APPL1: variants seen among roughly 807,000 people sequenced by gnomAD.
APPL1 encodes adaptor protein, phosphotyrosine interacting with PH domain and leucine zipper 1.
In APPL1, 42 loss-of-function variants were observed where a neutral mutation model predicts 106.8. The observed-to-expected ratio is 0.39, with a 90% CI of 0.31 to 0.51. APPL1 has a LOEUF of 0.51. Among genes scored for constraint, APPL1 ranks in the 20% least tolerant of loss-of-function variants. The probability of loss-of-function intolerance (pLI) is 0.75; values close to 1 mark genes in which losing one functional copy is unlikely to be tolerated. For missense variants in APPL1, 769 were observed against 858.2 expected (o/e 0.90, Z 1.30); for synonymous variants, 263 against 281.8 (o/e 0.93, Z 0.67).
chr3:57,258,744 T>G, intron 15 of APPL1: 1 of 280,484 alleles, frequency 3.6e-6, no homozygotes, highest in Non-Finnish European at 6.6e-6. Context: ...CTTATTTAAA[T>G]TCAAGAACTT....
chr3:57,237,022 C>G (rs1414639448), intron 2 of APPL1, among the ~76,000 whole-genome samples: 2 of 152,054 alleles, frequency 1.3e-5, no homozygotes, highest in Non-Finnish European at 1.5e-5. Flanking sequence ...AAGAAATGTT[C>G]TCTTTGTTAT....
In APPL1 at chr3:57,269,712, C is replaced by A. The variant is rs748372796; in HGVS notation, c.*25C>A. On this transcript the variant is annotated 3_prime_UTR_variant, in exon 22 of 22. Transcript: ENST00000288266. Reference sequence around the variant, plus strand: ...AGCTTATACTTTTGGTAGATATTCCCCCTTGGAATTTGACAGTTTCTATGG... The same window carrying A: ...AGCTTATACTTTTGGTAGATATTCCACCTTGGAATTTGACAGTTTCTATGG... 2.7e-5 allele frequency: 43 copies of A among 1,610,094 alleles called. No homozygotes were observed. Among genetic ancestry groups the A allele is most frequent in the Non-Finnish European group, 3.7e-5 (43 of 1,177,528 alleles).
At chr3:57,267,884 G>C (rs746949064) in intron 20 of APPL1, 92 bp downstream of exon 20, 1 of 1,337,748 alleles carries the variant, frequency 7.5e-7, no homozygotes, top group Admixed American at 1.7e-5. Context: ...TTGAGGTCAG[G>C]AGTTCGAGAC....
chr3:57,272,631 G>C lies in APPL1; in HGVS notation c.*2944G>C, dbSNP rs1306616531. The C allele has an allele frequency of 6.6e-6, 1 of 152,164 alleles. No homozygotes were observed. Among genetic ancestry groups the C allele is most frequent in the Non-Finnish European group, 1.5e-5 (1 of 68,086 alleles). The allele number at this position is 152,164 out of a possible 1,614,324, so 9.4% of individuals were successfully genotyped here. On this transcript the variant is annotated 3_prime_UTR_variant, in exon 22 of 22. Transcript: ENST00000288266. ...AAGTGTTTTTTTGAGACAGAGTCTTGCTCTGTTGCCCAGGCTGGAGTGCAG... is the reference window on the plus strand; with the variant it reads ...AAGTGTTTTTTTGAGACAGAGTCTTCCTCTGTTGCCCAGGCTGGAGTGCAG...
rs1474222794 is a variant in APPL1, at chr3:57,228,164, G to A, written c.54+227G>A. ...GCCGAGGGCCGCAGGCGGAGACCGA[G>A]CCGCTGGTGCTCGTGGGCCGGGCGG... On this transcript the variant is annotated intron_variant, in intron 1 of 21. Coordinates refer to ENST00000288266, the MANE Select transcript of APPL1 (RefSeq NM_012096.3). This position sits in a 1 kb window ranked among gnomAD's most constrained non-coding sequence, Gnocchi z 4.6. 6.6e-6 allele frequency among the ~76,000 whole-genome samples: 1 copy of A among 152,030 alleles called. No homozygotes were observed. Among genetic ancestry groups the A allele is most frequent in the East Asian group, 1.9e-4 (1 of 5,168 alleles).
At position 57,228,652 on chromosome 3, in the gene APPL1, T is replaced by C. The variant is rs1020001786; in HGVS notation, c.54+715T>C. Among the ~76,000 whole-genome samples, 1 of 152,262 alleles carries C rather than the reference T, an allele frequency of 6.6e-6. No homozygotes were observed. The highest frequency in any genetic ancestry group is 2.4e-5 in the African/African-American group (1 of 41,476). Reference sequence around the variant, plus strand: ...GTGCGTCGGAATGATGCTGATGTGGTTGCTCTAGCTTAAGACAGTTTTGGA... The same window carrying C: ...GTGCGTCGGAATGATGCTGATGTGGCTGCTCTAGCTTAAGACAGTTTTGGA... On this transcript the variant is annotated intron_variant, in intron 1 of 21. Coordinates refer to ENST00000288266, the MANE Select transcript of APPL1 (RefSeq NM_012096.3). The surrounding 1 kb of genome is among the most constrained non-coding windows in gnomAD (Gnocchi z 4.6).
chr3:57,229,958 C>T (rs1246147149), intron 1 of APPL1, among the ~76,000 whole-genome samples: 1 of 152,092 alleles, frequency 6.6e-6, no homozygotes, highest in African/African-American at 2.4e-5. Context: ...AGGTGATCTG[C>T]CCGCCTTGGC....
chr3:57,243,886 C>T (rs1260847110), intron 7 of APPL1, among the ~76,000 whole-genome samples: 4 of 152,030 alleles, frequency 2.6e-5, no homozygotes, highest in Admixed American at 1.3e-4. Flanking sequence ...TCATTGAGCA[C>T]CTAATATACG....
chr3:57,258,988 T>C (rs768389934), intron 15 of APPL1, 40 bp from the exon 16 acceptor site: 5 of 1,500,328 alleles, frequency 3.3e-6, no homozygotes, highest in Non-Finnish European at 3.7e-6. Flanking sequence ...TGGCTCATGG[T>C]AACTGACCAT....
chr3:57,261,519 G>T lies in APPL1; in HGVS notation c.1842+745G>T, dbSNP rs558973864. On this transcript the variant is annotated intron_variant, in intron 19 of 21. Transcript: ENST00000288266. ...AATGGTAGTTCTATTTTTAGTTTTT[G>T]TTGTTGTTGTTGTTTTTGAGACGGA... 8.7e-4 allele frequency among the ~76,000 whole-genome samples: 132 copies of T among 152,080 alleles called. 1 individual carries two copies. Among genetic ancestry groups the T allele is most frequent in the African/African-American group, 2.9e-3 (120 of 41,532 alleles).
rs917050720 is a variant in APPL1, at chr3:57,227,761, C to T, written c.-123C>T. On this transcript the variant is annotated 5_prime_UTR_variant, in exon 1 of 22. Transcript: ENST00000288266. ...CGCTCGGCGCCTGGAGAAGGCTGTG[C>T]GGGCGGGGACGGCTGCAGCCCTTGC... 6.4e-6 allele frequency: 5 copies of T among 785,320 alleles called. No homozygotes were observed. The highest frequency in any genetic ancestry group is 8.7e-6 in the Non-Finnish European group (5 of 572,412). 48.6% of individuals were successfully genotyped at this position (785,320 alleles called of 1,614,324 possible).
intron 5 of APPL1, among the ~76,000 whole-genome samples, chr3:57,241,825 T>C (rs1329462769): frequency 6.6e-6 from 1 of 152,232 alleles, no homozygotes; most frequent in East Asian, 1.9e-4. Context: ...TAAATCAGAA[T>C]ATTTGCATAT....
At chr3:57,264,801 C>CTT (rs201592600) in intron 19 of APPL1, among the ~76,000 whole-genome samples, 6 of 114,252 alleles carry the variant, frequency 5.3e-5, no homozygotes, top group African/African-American at 1.3e-4. Context: ...GTCTATGTGT[C>CTT]TTTTTTTTTT....
intron 18 of APPL1, 69 bp downstream of exon 18, chr3:57,260,222 A>G (rs2060858062): frequency 6.9e-7 from 1 of 1,458,360 alleles, no homozygotes; most frequent in Non-Finnish European, 9.4e-7. Flanking sequence ...CAACTTGATA[A>G]TAATCCTGAT....
At chr3:57,230,731 A>C in intron 1 of APPL1, 1 of 450,210 alleles carries the variant, frequency 2.2e-6, no homozygotes, top group Non-Finnish European at 4.5e-6. Context: ...TCCAAGAAGC[A>C]GAGCAGCAAA....
chr3:57,247,017 T>C (rs895099214), intron 8 of APPL1, among the ~76,000 whole-genome samples: 1 of 151,762 alleles, frequency 6.6e-6, no homozygotes, highest in African/African-American at 2.4e-5. Context: ...ATTGAATCTA[T>C]TTAGGTAAAA....
At chr3:57,263,009 G>A (rs1313037953) in intron 19 of APPL1, among the ~76,000 whole-genome samples, 1 of 151,624 alleles carries the variant, frequency 6.6e-6, no homozygotes, top group Non-Finnish European at 1.5e-5. Flanking sequence ...GCGCCACCAC[G>A]CCCAGCTAAT....
chr3:57,253,765 G>C, intron 13 of APPL1, 27 bp downstream of exon 13: 3 of 1,358,548 alleles, frequency 2.2e-6, no homozygotes, highest in Non-Finnish European at 2.9e-6. Context: ...ATGTTACCCA[G>C]ATCTAGCAAA....
chr3:57,256,077 A>G (rs1331553382), intron 13 of APPL1, among the ~76,000 whole-genome samples: 1 of 152,192 alleles, frequency 6.6e-6, no homozygotes, highest in African/African-American at 2.4e-5. Context: ...TTTTTATGGA[A>G]TAGTGCCTGT....
Sources: gnomAD v4.1 joint callset for allele counts (sites outside exome capture counted in the v4.1 genomes callset) on GRCh38, gnomAD v4.1.1 for gene constraint, Gnocchi (gnomAD v3.1) non-coding constraint, MANE v1.5 for transcripts, NCBI Gene and HGNC (gene_info 2026-07-23, HGNC 2026-07-21) for gene names.